The following LINGO2 variants were observed in gnomAD, a reference collection of about 807,000 sequenced individuals.
LINGO2 encodes the protein leucine rich repeat and Ig domain containing 2.
In LINGO2, 14 loss-of-function variants were observed where a neutral mutation model predicts 30.6. That is an observed-to-expected ratio of 0.46 (90% CI 0.30 to 0.72). The LOEUF (loss-of-function observed/expected upper bound fraction) is 0.72. Ranked by LOEUF, LINGO2 falls within the 30% of genes least tolerant of loss-of-function variation. The pLI is 0.07. For synonymous variants in LINGO2, 317 were observed against 288.5 expected, an observed-to-expected ratio of 1.10 and a Z score of -1.00; for missense variants, 729 against 751.7, an observed-to-expected ratio of 0.97 and a Z score of 0.35.
At chr9:28,905,962 G>A in the LINGO2 span, among the ~76,000 whole-genome samples, 1 of 151,986 alleles carries the variant, frequency 6.6e-6, no homozygotes, top group Non-Finnish European at 1.5e-5. Context: ...ATAAACAATG[G>A]TATACTTTTA....
At chr9:28,232,842 G>A (rs1821406374) in intron 4 of LINGO2, among the ~76,000 whole-genome samples, 1 of 150,894 alleles carries the variant, frequency 6.6e-6, no homozygotes, top group South Asian at 2.1e-4. Context: ...CCCCATATAA[G>A]TGAGATCATG....
the LINGO2 span, among the ~76,000 whole-genome samples, chr9:29,117,317 A>T: frequency 6.6e-6 from 1 of 152,192 alleles, no homozygotes; most frequent in Non-Finnish European, 1.5e-5. Context: ...AAGAGAAAAA[A>T]AGCCCCGATT....
chr9:28,151,106 C>A (rs1025375340), intron 4 of LINGO2, among the ~76,000 whole-genome samples: 14 of 152,120 alleles, frequency 9.2e-5, no homozygotes, highest in Non-Finnish European at 1.9e-4. Flanking sequence ...GAAAACTGTA[C>A]AAGTTCACTT....
chr9:28,284,564 G>A (rs867426590), intron 4 of LINGO2, among the ~76,000 whole-genome samples: 2 of 152,080 alleles, frequency 1.3e-5, no homozygotes, highest in Non-Finnish European at 2.9e-5. Context: ...ATTAATGACA[G>A]TCTTTTTAAT....
At chr9:28,120,902 A>G (rs1015992856) in intron 4 of LINGO2, among the ~76,000 whole-genome samples, 7 of 152,214 alleles carry the variant, frequency 4.6e-5, no homozygotes, top group African/African-American at 1.7e-4. Context: ...AGGAAAAAAA[A>G]GTAAGAAACA....
At chr9:27,977,852 T>G (rs1311681841) in intron 5 of LINGO2, among the ~76,000 whole-genome samples, 5 of 151,868 alleles carry the variant, frequency 3.3e-5, no homozygotes, top group African/African-American at 9.7e-5. Flanking sequence ...GCAACTATTT[T>G]GATTTTTAAT....
At chr9:29,032,649 G>C in the LINGO2 span, among the ~76,000 whole-genome samples, 1 of 152,072 alleles carries the variant, frequency 6.6e-6, no homozygotes, top group East Asian at 1.9e-4. Context: ...CATGAAATGA[G>C]CATTTATACC....
At chr9:28,514,345 A>G (rs1021849981) in intron 1 of LINGO2, among the ~76,000 whole-genome samples, 1 of 152,172 alleles carries the variant, frequency 6.6e-6, no homozygotes, top group African/African-American at 2.4e-5. Context: ...AATGAGAAAA[A>G]CACATTGAAA....
the LINGO2 span, among the ~76,000 whole-genome samples, chr9:28,876,340 G>A: frequency 2.0e-5 from 3 of 151,874 alleles, no homozygotes; most frequent in Non-Finnish European, 4.4e-5. Context: ...ATGCTGGTGT[G>A]CTGCACCCAT....
At chr9:28,332,242 T>G (rs1178332248) in intron 3 of LINGO2, among the ~76,000 whole-genome samples, 2 of 152,114 alleles carry the variant, frequency 1.3e-5, no homozygotes, top group African/African-American at 4.8e-5. Flanking sequence ...AAGTAGATAG[T>G]AGGCCTGGGG....
intron 4 of LINGO2, among the ~76,000 whole-genome samples, chr9:28,142,792 G>A (rs1827710161): frequency 6.6e-6 from 1 of 152,068 alleles, no homozygotes; most frequent in Non-Finnish European, 1.5e-5. Flanking sequence ...TCATTGATCT[G>A]GCTCCCTGTT....
the LINGO2 span, among the ~76,000 whole-genome samples, chr9:29,186,046 A>G: frequency 6.6e-6 from 1 of 152,114 alleles, no homozygotes; most frequent in African/African-American, 2.4e-5. Flanking sequence ...ACCTTTGAAC[A>G]CAACCAGATT....
chr9:28,317,757 T>C (rs527735848), intron 3 of LINGO2, among the ~76,000 whole-genome samples: 1 of 152,244 alleles, frequency 6.6e-6, no homozygotes, highest in East Asian at 1.9e-4. Context: ...TCATACAGGG[T>C]ACGAGAACAG....
chr9:28,151,591 T>C (rs1828001660), intron 4 of LINGO2, among the ~76,000 whole-genome samples: 2 of 151,804 alleles, frequency 1.3e-5, no homozygotes, highest in African/African-American at 2.4e-5. Context: ...CGAATATAAT[T>C]AGAAAATAGT....
chr9:28,767,100 T>C, the LINGO2 span, among the ~76,000 whole-genome samples: 4 of 151,082 alleles, frequency 2.6e-5, no homozygotes, highest in Non-Finnish European at 5.9e-5. Flanking sequence ...GGGTGGGTAA[T>C]GGAGAGACGT....
At chr9:28,494,511 T>G (rs879333226) in intron 1 of LINGO2, among the ~76,000 whole-genome samples, 1 of 152,150 alleles carries the variant, frequency 6.6e-6, no homozygotes, top group Non-Finnish European at 1.5e-5. Flanking sequence ...AATGATGGTT[T>G]CCAGCTTCAT....
At chr9:28,047,964 A>G (rs931452421) in intron 4 of LINGO2, among the ~76,000 whole-genome samples, 2 of 150,660 alleles carry the variant, frequency 1.3e-5, no homozygotes, top group African/African-American at 4.9e-5. Flanking sequence ...CGTAATTTCC[A>G]CAAAAAATAT....
At chr9:28,769,508 ATATATATATATTTTTTTTT>A in the LINGO2 span, among the ~76,000 whole-genome samples, 1 of 2,832 alleles carries the variant, frequency 3.5e-4, no homozygotes, top group African/African-American at 1.1e-3. Flanking sequence ...ATATATATAT[ATATATATATATTTTTTTTT>A]TTTTTTTTTT....
At chr9:28,862,300 T>A in the LINGO2 span, among the ~76,000 whole-genome samples, 1 of 152,018 alleles carries the variant, frequency 6.6e-6, no homozygotes, top group Non-Finnish European at 1.5e-5. Flanking sequence ...TACTGAAGAA[T>A]TAAAGGCTAG....
Sources: gnomAD v4.1 joint callset for allele counts (sites outside exome capture counted in the v4.1 genomes callset) on GRCh38, gnomAD v4.1.1 for gene constraint, MANE v1.5 for transcripts, NCBI Gene and HGNC (gene_info 2026-07-23, HGNC 2026-07-21) for gene names.